CCDC146: variants seen among roughly 807,000 people sequenced by gnomAD.
CCDC146 encodes coiled-coil domain containing 146.
CCDC146 carries 92 observed loss-of-function variants against 119.3 expected under a neutral mutation model. That is an observed-to-expected ratio of 0.77 (90% confidence interval 0.65 to 0.92). The LOEUF (loss-of-function observed/expected upper bound fraction) is 0.92. CCDC146 is among the 40% of genes least tolerant of loss of function. CCDC146 has a pLI of 0.00. For missense variants in CCDC146, 1,000 were observed against 1,103.0 expected, an observed-to-expected ratio of 0.91 and a Z score of 1.32; for synonymous variants, 372 against 371.8, an observed-to-expected ratio of 1.00 and a Z score of -0.01.
chr7:77,254,479 T>A lies in CCDC146; in HGVS notation c.450-27T>A. On this transcript the variant is annotated intron_variant, in intron 4 of 18. Coordinates refer to ENST00000285871, the MANE Select transcript of CCDC146 (RefSeq NM_020879.3). ...GAAAGAGCTTATTTCTTTGTACTTT[T>A]TCAAACTTGATTTTTTTTTTTTGCA... is the stretch of plus-strand genomic sequence containing the variant. 1.5e-6 allele frequency: 2 copies of A among 1,299,554 alleles called. 1 individual carries two copies. The highest frequency in any genetic ancestry group is 2.2e-6 in the Non-Finnish European group (2 of 917,296). The allele number at this position is 1,299,554 out of a possible 1,614,324, so 80.5% of individuals were successfully genotyped here. A position where few individuals can be genotyped will look rare whatever the true frequency, so the allele number is the denominator to read the frequency against.
chr7:77,143,549 G>T (rs2117424172), intron 1 of CCDC146, among the ~76,000 whole-genome samples: 1 of 152,058 alleles, frequency 6.6e-6, no homozygotes, highest in South Asian at 2.1e-4. Context: ...TATGGTTTTA[G>T]GTCTAACATT....
chr7:77,199,452 C>G, intron 2 of CCDC146: 1 of 1,614,158 alleles, frequency 6.2e-7, no homozygotes, highest in Non-Finnish European at 8.5e-7. Context: ...TGGGTAACAA[C>G]AGTCCGTTTC....
At chr7:77,155,480 G>C (rs1791166762) in intron 1 of CCDC146, among the ~76,000 whole-genome samples, 1 of 151,804 alleles carries the variant, frequency 6.6e-6, no homozygotes, top group Non-Finnish European at 1.5e-5. Flanking sequence ...CAAGAGGAAA[G>C]GGCTTTGCTA....
intron 1 of CCDC146, among the ~76,000 whole-genome samples, chr7:77,152,979 G>A (rs1408936762): frequency 6.6e-6 from 1 of 152,188 alleles, no homozygotes; most frequent in Non-Finnish European, 1.5e-5. Flanking sequence ...CAGCTACTAA[G>A]AGGTTGCATA....
At chr7:77,269,283 G>A (rs1389947834) in intron 9 of CCDC146, among the ~76,000 whole-genome samples, 1 of 151,848 alleles carries the variant, frequency 6.6e-6, no homozygotes, top group Non-Finnish European at 1.5e-5. Flanking sequence ...TTCTCTGGAT[G>A]TTTCTTTTTC....
chr7:77,249,453 A>G (rs1209991741), intron 4 of CCDC146, among the ~76,000 whole-genome samples: 1 of 145,244 alleles, frequency 6.9e-6, no homozygotes, highest in Non-Finnish European at 1.5e-5. Flanking sequence ...GCACCACTGC[A>G]CTCCAGCCTG....
At chr7:77,130,839 C>T (rs1373101410) in intron 1 of CCDC146, among the ~76,000 whole-genome samples, 2 of 149,250 alleles carry the variant, frequency 1.3e-5, no homozygotes, top group Non-Finnish European at 3.0e-5. Flanking sequence ...CCTCGTGATC[C>T]GCCCGTCTGG....
intron 2 of CCDC146, chr7:77,199,343 T>G: frequency 6.2e-7 from 1 of 1,614,124 alleles, no homozygotes; most frequent in South Asian, 1.1e-5. Context: ...AGTACATTGA[T>G]CTCCTCTTTG....
rs17230010 is a variant in CCDC146 at position 77,241,681 on chromosome 7, T to C, written c.240-10T>C. On this transcript the variant is annotated splice_polypyrimidine_tract_variant and intron_variant, in intron 3 of 18. Transcript: ENST00000285871. Reference sequence around the variant, plus strand: ...TCATTATGTGAGTCTCTGTTTTTCATGTAACCCAGCACACAAGAGTCAGAG... The same window carrying C: ...TCATTATGTGAGTCTCTGTTTTTCACGTAACCCAGCACACAAGAGTCAGAG... 0.14 allele frequency: 228,164 copies of C among 1,612,886 alleles called. 17,552 individuals carry two copies. The highest frequency in any genetic ancestry group is 0.18 in the Middle Eastern group (1,100 of 6,062).
intron 14 of CCDC146, among the ~76,000 whole-genome samples, chr7:77,280,938 C>G (rs563842182): frequency 1.3e-5 from 2 of 152,044 alleles, no homozygotes; most frequent in African/African-American, 4.8e-5. Context: ...CCCATCCCTA[C>G]TAAAAATACA....
intron 2 of CCDC146, among the ~76,000 whole-genome samples, chr7:77,183,590 G>T (rs1317019903): frequency 3.3e-5 from 5 of 152,136 alleles, no homozygotes; most frequent in African/African-American, 9.7e-5. Context: ...GGCCAGGAGT[G>T]CTTTCTTCCC....
At chr7:77,251,059 C>T (rs887360396) in intron 4 of CCDC146, among the ~76,000 whole-genome samples, 2 of 150,928 alleles carry the variant, frequency 1.3e-5, no homozygotes, top group African/African-American at 4.9e-5. Context: ...TAGTCTCACT[C>T]TGTCCAGGCT....
chr7:77,273,542 A>T (rs1793566932), intron 9 of CCDC146, 152 bp from the exon 10 acceptor site: 1 of 339,654 alleles, frequency 2.9e-6, no homozygotes, highest in South Asian at 6.1e-5. Context: ...TTATTTTCAG[A>T]CAGAGTCTCA....
At chr7:77,163,707 G>C (rs1791297630) in intron 1 of CCDC146, among the ~76,000 whole-genome samples, 1 of 152,112 alleles carries the variant, frequency 6.6e-6, no homozygotes, top group African/African-American at 2.4e-5. Flanking sequence ...ATAACCTAGA[G>C]AGTTCAGAGG....
chr7:77,183,565 C>T (rs928116254), intron 2 of CCDC146, among the ~76,000 whole-genome samples: 3 of 152,140 alleles, frequency 2.0e-5, no homozygotes, highest in African/African-American at 4.8e-5. Flanking sequence ...GATGTCTTTG[C>T]CCATCCTGCA....
At position 77,153,849 on chromosome 7, in the gene CCDC146, G is replaced by C. The variant is rs2539175; in HGVS notation, c.-11-13809G>C. On this transcript the variant is annotated intron_variant, in intron 1 of 18. Coordinates refer to ENST00000285871, the MANE Select transcript of CCDC146 (RefSeq NM_020879.3). ...AAAAATCAAGTTTACACAAAAATGT[G>C]TATGAGAATATTTATGGAGCCTTAC... 4.0e-5 allele frequency among the ~76,000 whole-genome samples: 6 copies of C among 151,650 alleles called. 1 individual carries two copies. The highest frequency in any genetic ancestry group is 1.5e-4 in the African/African-American group (6 of 40,960).
chr7:77,289,383 T>C (rs73703311), intron 17 of CCDC146, among the ~76,000 whole-genome samples: 36,776 of 152,002 alleles, frequency 0.24, 5,234 homozygotes, highest in African/African-American at 0.39. Context: ...TCCCCTTTCC[T>C]TTCCCTACCT....
intron 1 of CCDC146, among the ~76,000 whole-genome samples, chr7:77,148,204 T>A (rs1402593297): frequency 2.6e-5 from 4 of 152,350 alleles, no homozygotes; most frequent in Admixed American, 1.3e-4. Context: ...TGGGACCCTC[T>A]GAGCCATGCG....
chr7:77,221,686 C>T (rs1488832501), intron 2 of CCDC146, among the ~76,000 whole-genome samples: 1 of 152,150 alleles, frequency 6.6e-6, no homozygotes, highest in African/African-American at 2.4e-5. Flanking sequence ...AGCGCACTTC[C>T]CATCTGATGG....
Sources: allele counts gnomAD v4.1 joint callset (sites outside exome capture counted in the v4.1 genomes callset), GRCh38; gene constraint gnomAD v4.1.1; transcripts MANE v1.5; gene names NCBI Gene and HGNC (gene_info 2026-07-23, HGNC 2026-07-21).